Variants in ZNFX1 observed in about 807,000 individuals in gnomAD.
The protein encoded by ZNFX1 is zinc finger NFX1-type containing 1, also known as NFX1-type zinc finger-containing protein 1.
Under a neutral mutation model 179.8 loss-of-function variants are expected in ZNFX1, and 78 were observed. That is an observed-to-expected ratio of 0.43 (90% confidence interval 0.36 to 0.52). The LOEUF (loss-of-function observed/expected upper bound fraction) is 0.52, where lower values mean the gene tolerates loss of function less well. Ranked by LOEUF, ZNFX1 falls within the 20% of genes least tolerant of loss-of-function variation. The probability of loss-of-function intolerance (pLI) is 0.00; values close to 1 mark genes in which losing one functional copy is unlikely to be tolerated. For missense variants in ZNFX1, 1,927 were observed against 2,386.6 expected (o/e 0.81, Z 4.01); for synonymous variants, 848 against 868.5 (o/e 0.98, Z 0.42).
chr20:49,273,150 T>A (rs1476785480), intron 2 of ZNFX1, among the ~76,000 whole-genome samples: 2 of 152,196 alleles, frequency 1.3e-5, no homozygotes, highest in African/African-American at 4.8e-5. Context: ...TTTTATTTTT[T>A]GAGAGGGAGT....
At chr20:49,264,349 T>C (rs570038009) in intron 5 of ZNFX1, among the ~76,000 whole-genome samples, 1 of 152,358 alleles carries the variant, frequency 6.6e-6, no homozygotes, top group South Asian at 2.1e-4. Flanking sequence ...AGGCTCACAA[T>C]ATCTGTTCTC....
intron 12 of ZNFX1, among the ~76,000 whole-genome samples, chr20:49,251,904 AT>A (rs1980847775): frequency 1.4e-5 from 2 of 147,612 alleles, no homozygotes. Context: ...ATCTCAGCTC[AT>A]TGCAACCTCT....
chr20:49,272,916 T>C (rs1178922101), intron 2 of ZNFX1, among the ~76,000 whole-genome samples: 1 of 152,216 alleles, frequency 6.6e-6, no homozygotes, highest in East Asian at 1.9e-4. Context: ...ACTTTCCTTT[T>C]TGCTAAAACT....
intron 5 of ZNFX1, among the ~76,000 whole-genome samples, chr20:49,264,249 A>C (rs1981185106): frequency 6.6e-6 from 1 of 152,182 alleles, no homozygotes; most frequent in Admixed American, 6.5e-5. Context: ...TGGCACTCAG[A>C]AAGTTTTGGA....
rs141944169 is a variant in ZNFX1, at chr20:49,255,233, C to T, written c.2804+575G>A. 7.1e-3 allele frequency among the ~76,000 whole-genome samples: 1,072 copies of T among 152,038 alleles called. 13 individuals are homozygous for T. The highest frequency in any genetic ancestry group is 0.025 in the African/African-American group (1,020 of 41,464). Reference sequence around the variant, plus strand: ...TAATTTTTTGTGTTTTTAGTAGAGACGGGGTTTCACTGTGTTAGCCAGGAT... The same window carrying T: ...TAATTTTTTGTGTTTTTAGTAGAGATGGGGTTTCACTGTGTTAGCCAGGAT... On this transcript the variant is annotated intron_variant, in intron 9 of 13. Coordinates refer to ENST00000396105, the MANE Select transcript of ZNFX1 (RefSeq NM_021035.3).
intron 12 of ZNFX1, among the ~76,000 whole-genome samples, chr20:49,251,914 C>T (rs983990341): frequency 6.6e-6 from 1 of 150,740 alleles, no homozygotes; most frequent in Non-Finnish European, 1.5e-5. Context: ...ATTGCAACCT[C>T]TGCCTCCCAG....
rs768436717 is a variant in ZNFX1, at chr20:49,270,734, C to G, written c.1078G>C (p.Gly360Arg). Reference sequence around the variant, plus strand: ...TAGATAGCAGTGCTGTCGTATTTTCCAGAAATGATATTGGGGCGAAGGAAG... The same window carrying G: ...TAGATAGCAGTGCTGTCGTATTTTCGAGAAATGATATTGGGGCGAAGGAAG... ...RPFLRPNIIS[G>R]KYDSTAIYLD... Residue 360 changes from glycine to arginine, a missense_variant, in exon 3 of 14, where the codon GGA becomes CGA. By Grantham distance (125) the Gly-to-Arg change is moderately radical (BLOSUM62 -2). Coordinates refer to ENST00000396105, the MANE Select transcript of ZNFX1 (RefSeq NM_021035.3). The surrounding 1 kb of genome is among the most constrained non-coding windows in gnomAD (Gnocchi z 4.6). 20 of 1,613,988 alleles carry G rather than the reference C, an allele frequency of 1.2e-5. No homozygotes were observed. In the East Asian group the frequency reaches 4.5e-4, roughly 36 times the overall value.
At chr20:49,262,227 G>A (rs560486559) in intron 6 of ZNFX1, among the ~76,000 whole-genome samples, 66 of 151,460 alleles carry the variant, frequency 4.4e-4, no homozygotes, top group African/African-American at 1.5e-3. Flanking sequence ...CCAGCCTGGC[G>A]AATGTGGTGA....
intron 3 of ZNFX1, among the ~76,000 whole-genome samples, chr20:49,269,650 C>T (rs1009521545): frequency 3.9e-5 from 6 of 152,138 alleles, no homozygotes; most frequent in Non-Finnish European, 7.4e-5. Flanking sequence ...CACTGCACTC[C>T]AGCCTGGGTG....
rs780315722 is a variant in ZNFX1 at position 49,248,273 on chromosome 20, C to T, written c.4751G>A (p.Arg1584His). ...GCTGCAGTCTTCCAGCTGCACAAAG[C>T]GGGCATCAGGCTCATCCTCAAAGCC... is the stretch of plus-strand genomic sequence containing the variant. ...FFGFEDEPDARFVQLEDCSHI... is the reference protein window; with the variant it reads ...FFGFEDEPDAHFVQLEDCSHI... The change falls in exon 14 of 14, where the codon CGC becomes CAC. Residue 1584 changes from arginine (R) to histidine (H), a missense_variant. Physicochemically the swap from Arg to His is conservative, Grantham distance 29 (BLOSUM62 0). Coordinates refer to ENST00000396105, the MANE Select transcript of ZNFX1 (RefSeq NM_021035.3). This position sits in a 1 kb window ranked among gnomAD's most constrained non-coding sequence, Gnocchi z 4.6. The T allele has an allele frequency of 2.4e-5, 38 of 1,613,982 alleles. No homozygotes were observed. In the East Asian group the frequency reaches 4.0e-4, roughly 17 times the overall value.
At chr20:49,255,212 T>G (rs1281861010) in intron 9 of ZNFX1, among the ~76,000 whole-genome samples, 1 of 151,788 alleles carries the variant, frequency 6.6e-6, no homozygotes, top group Non-Finnish European at 1.5e-5. Context: ...CCCAGCTAAT[T>G]TTTTGTGTTT....
intron 7 of ZNFX1, among the ~76,000 whole-genome samples, chr20:49,258,048 G>A (rs763379401): frequency 6.6e-6 from 1 of 151,168 alleles, no homozygotes; most frequent in Non-Finnish European, 1.5e-5. Context: ...GACAGAAGAC[G>A]GCACCTGCAA....
chr20:49,274,071 G>T (rs369259789), intron 2 of ZNFX1, among the ~76,000 whole-genome samples: 2 of 152,246 alleles, frequency 1.3e-5, no homozygotes, highest in East Asian at 1.9e-4. Flanking sequence ...TTTAGAAAGT[G>T]CTGAGCAAGC....
chr20:49,252,638 G>T, intron 12 of ZNFX1, 82 bp downstream of exon 12: 2 of 901,724 alleles, frequency 2.2e-6, no homozygotes, highest in Non-Finnish European at 3.6e-6. Flanking sequence ...TTATTTATAT[G>T]AGACCTCTTT....
chr20:49,264,569 G>T, intron 5 of ZNFX1, 147 bp downstream of exon 5: 1 of 961,054 alleles, frequency 1.0e-6, no homozygotes, highest in Non-Finnish European at 1.6e-6. Flanking sequence ...CCAAGGGATT[G>T]GCAGAATAGA....
In ZNFX1 at chr20:49,247,081, C is replaced by A. The variant is rs1433583770; in HGVS notation, c.*186G>T. Reference sequence around the variant, plus strand: ...ACGGGGTTTCGCCATGTTGGTCAGGCTGGTCTCGAACTCCTGACCTCGTGA... The same window carrying A: ...ACGGGGTTTCGCCATGTTGGTCAGGATGGTCTCGAACTCCTGACCTCGTGA... On this transcript the variant is annotated 3_prime_UTR_variant, in exon 14 of 14. Transcript: ENST00000396105. 1.3e-5 allele frequency: 9 copies of A among 689,494 alleles called. No homozygotes were observed. Among genetic ancestry groups the A allele is most frequent in the Non-Finnish European group, 2.1e-5 (9 of 423,604 alleles). The allele number at this position is 689,494 out of a possible 1,614,324, so 42.7% of individuals were successfully genotyped here. A position where few individuals can be genotyped will look rare whatever the true frequency, so the allele number is the denominator to read the frequency against.
intron 12 of ZNFX1, 83 bp downstream of exon 12, chr20:49,252,637 T>A: frequency 1.1e-6 from 1 of 896,414 alleles, no homozygotes; most frequent in Non-Finnish European, 1.8e-6. Context: ...TTTATTTATA[T>A]GAGACCTCTT....
intron 11 of ZNFX1, among the ~76,000 whole-genome samples, 188 bp from the exon 12 acceptor site, chr20:49,253,018 T>C (rs113189076): frequency 6.6e-6 from 1 of 152,084 alleles, no homozygotes; most frequent in East Asian, 1.9e-4. Flanking sequence ...AAAGGTGATA[T>C]GACAGAGTGC....
chr20:49,273,071 T>C (rs1214904634), intron 2 of ZNFX1, among the ~76,000 whole-genome samples: 1 of 152,192 alleles, frequency 6.6e-6, no homozygotes, highest in Non-Finnish European at 1.5e-5. Flanking sequence ...TTTCCTGACA[T>C]CAGATACTAA....
Sources: allele counts gnomAD v4.1 joint callset (sites outside exome capture counted in the v4.1 genomes callset), GRCh38; gene constraint gnomAD v4.1.1; non-coding constraint Gnocchi (gnomAD v3.1); transcripts MANE v1.5; gene names NCBI Gene and HGNC (gene_info 2026-07-23, HGNC 2026-07-21).